Variants in PEAK1 observed in about 807,000 individuals in gnomAD.
The protein encoded by PEAK1 is pseudopodium enriched atypical kinase 1, also known as inactive tyrosine-protein kinase PEAK1.
In PEAK1, 54 loss-of-function variants were observed where a neutral mutation model predicts 124.7. That is an observed-to-expected ratio of 0.43 (90% CI 0.35 to 0.54). The LOEUF (loss-of-function observed/expected upper bound fraction) is 0.54. Ranked by LOEUF, PEAK1 falls within the 20% of genes least tolerant of loss-of-function variation. The probability of loss-of-function intolerance (pLI) is 0.01; values close to 1 mark genes in which losing one functional copy is unlikely to be tolerated. For synonymous variants in PEAK1, 719 were observed against 760.0 expected (o/e 0.95, Z 0.89); for missense variants, 2,046 against 2,134.5 (o/e 0.96, Z 0.82).
At chr15:77,384,615 TGTG>T in intron 1 of PEAK1, among the ~76,000 whole-genome samples, 1 of 152,344 alleles carries the variant, frequency 6.6e-6, no homozygotes, top group South Asian at 2.1e-4. Flanking sequence ...TCCTTACTGT[TGTG>T]GTATTTCAAA....
rs374992071 is a variant in PEAK1 at position 77,115,038 on chromosome 15, C to T, written c.4359G>A (p.Lys1453=). 8 of 1,614,176 alleles carry T rather than the reference C, an allele frequency of 5.0e-6. No individual in the cohort carries two copies. Among genetic ancestry groups the T allele is most frequent in the Non-Finnish European group, 6.8e-6 (8 of 1,180,030 alleles). ...TGACCACAACGTGGCTCCTCTGCTT[C>T]TTGCTCATGACTCCCTGATTCTCTT... is the stretch of plus-strand genomic sequence containing the variant. ...SQKENQGVMS[K]KQRSHVVVIT... The change falls in exon 10 of 10, where the codon AAG becomes AAA. Residue 1453 remains lysine (K), a synonymous_variant. Coordinates refer to ENST00000682557, the MANE Select transcript of PEAK1 (RefSeq NM_001385026.1).
intron 2 of PEAK1, among the ~76,000 whole-genome samples, chr15:77,319,241 C>A: frequency 6.6e-6 from 1 of 150,494 alleles, no homozygotes; most frequent in Non-Finnish European, 1.5e-5. Context: ...ATAATTTGCC[C>A]CAAATGTAGT....
rs1199692158 is a variant in PEAK1, at chr15:77,368,699, CATT to C, written c.-665-3477_-665-3475del. Among the ~76,000 whole-genome samples the C allele has an allele frequency of 8.5e-5, 13 of 152,216 alleles. No individual in the cohort carries two copies. In the South Asian group the frequency reaches 1.7e-3, roughly 19 times the overall value. On this transcript the variant is annotated intron_variant, in intron 1 of 9. Transcript: ENST00000682557. ...TCAAATAGAAACACTGGATACATAT[CATT>C]AACAAATTGTAATCAACAAGTAAAA...
chr15:77,102,079 G>A (rs1263338910), exon 7 of PEAK1: 5 of 152,196 alleles, frequency 3.3e-5, no homozygotes, highest in Non-Finnish European at 7.4e-5. Flanking sequence ...TGGTGACCTA[G>A]TGGGTCAATT....
chr15:77,393,562 A>G (rs996505484), intron 1 of PEAK1, among the ~76,000 whole-genome samples: 2 of 152,192 alleles, frequency 1.3e-5, no homozygotes, highest in African/African-American at 4.8e-5. Context: ...GGAAGGACCC[A>G]GTCCTGGCAG....
At chr15:77,168,496 T>C (rs920254611) in intron 7 of PEAK1, among the ~76,000 whole-genome samples, 1 of 152,190 alleles carries the variant, frequency 6.6e-6, no homozygotes, top group African/African-American at 2.4e-5. Context: ...AAAACAGCCA[T>C]AGACAACATG....
At chr15:77,192,507 T>C (rs2057884480) in intron 6 of PEAK1, among the ~76,000 whole-genome samples, 1 of 152,176 alleles carries the variant, frequency 6.6e-6, no homozygotes, top group Admixed American at 6.5e-5. Context: ...AACTAAACTA[T>C]CCCCCAATAA....
intron 2 of PEAK1, among the ~76,000 whole-genome samples, chr15:77,315,104 G>A (rs995152574): frequency 6.6e-6 from 1 of 152,114 alleles, no homozygotes; most frequent in Non-Finnish European, 1.5e-5. Flanking sequence ...TTACCCATGG[G>A]ACAAAATTTG....
intron 2 of PEAK1, chr15:77,349,721 T>C (rs2067092700): frequency 3.0e-6 from 3 of 985,296 alleles, no homozygotes; most frequent in Non-Finnish European, 3.6e-6. Context: ...AACCCTTCTA[T>C]AAGTAGGTCA....
chr15:77,180,227 T>C lies in PEAK1; in HGVS notation c.1700A>G (p.Lys567Arg). ...AGCTGTGGGTGATGTAGGTGCTGAT[T>C]TGTGACAGTTTTTCCTTGGAGGAAC... ...PNVPPRKNCH[K>R]SAPTSPTATN... is the part of the protein sequence containing the mutation. Residue 567 changes from lysine to arginine, a missense_variant, in exon 7 of 10, where the codon AAA (lysine) becomes AGA (arginine). By Grantham distance (26) the Lys-to-Arg change is conservative. Transcript: ENST00000682557. The C allele has an allele frequency of 6.2e-7, 1 of 1,614,184 alleles. No homozygotes were observed. The highest frequency in any genetic ancestry group is 8.5e-7 in the Non-Finnish European group (1 of 1,180,008).
At chr15:77,138,568 A>G (rs920349599) in intron 8 of PEAK1, among the ~76,000 whole-genome samples, 4 of 152,196 alleles carry the variant, frequency 2.6e-5, no homozygotes, top group Admixed American at 2.6e-4. Context: ...CTATTTCAAA[A>G]TATTTTTTCT....
intron 6 of PEAK1, among the ~76,000 whole-genome samples, chr15:77,205,651 A>T (rs1337744802): frequency 6.6e-6 from 1 of 152,124 alleles, no homozygotes; most frequent in African/African-American, 2.4e-5. Flanking sequence ...GCTGTGAAAG[A>T]TGAAAACTTT....
Position 77,146,138 on chromosome 15 carries a change from G to A in PEAK1, c.3331+12365C>T, listed in dbSNP as rs181921169. ...AGTTTATAAACCACACACCATCACT[G>A]TGCAGCAGCCTTGTCAAATGAATAG... On this transcript the variant is annotated intron_variant, in intron 8 of 9. Coordinates refer to ENST00000682557, the MANE Select transcript of PEAK1 (RefSeq NM_001385026.1). Among the ~76,000 whole-genome samples, 15 of 152,282 alleles carry A rather than the reference G, an allele frequency of 9.9e-5. No homozygotes were observed. The East Asian group carries it at 2.9e-3, about 29-fold the overall frequency.
intron 6 of PEAK1, among the ~76,000 whole-genome samples, chr15:77,217,431 A>T (rs1378242812): frequency 6.6e-6 from 1 of 152,116 alleles, no homozygotes; most frequent in Non-Finnish European, 1.5e-5. Context: ...TCTGATTATT[A>T]TGAGTGTTTT....
chr15:77,302,575 G>A (rs930604059), intron 2 of PEAK1, among the ~76,000 whole-genome samples: 2 of 152,104 alleles, frequency 1.3e-5, no homozygotes, highest in African/African-American at 4.8e-5. Context: ...AGAGTACAGG[G>A]CTTATGCATA....
intron 4 of PEAK1, among the ~76,000 whole-genome samples, chr15:77,284,274 T>C (rs1219964798): frequency 6.6e-6 from 1 of 152,210 alleles, no homozygotes; most frequent in African/African-American, 2.4e-5. Context: ...CAGGATTCAA[T>C]GAAGTGATCT....
intron 5 of PEAK1, among the ~76,000 whole-genome samples, chr15:77,272,697 AC>A (rs1192957823): frequency 1.3e-5 from 2 of 152,174 alleles, no homozygotes; most frequent in East Asian, 3.8e-4. Flanking sequence ...AGAACTGGTT[AC>A]CAGTCCTATT....
At chr15:77,405,142 AC>A (rs1173499920) in intron 1 of PEAK1, among the ~76,000 whole-genome samples, 1 of 151,808 alleles carries the variant, frequency 6.6e-6, no homozygotes, top group Non-Finnish European at 1.5e-5. Context: ...GGTAGCTGGG[AC>A]TACAGGTGCA....
chr15:77,231,418 T>C (rs1295120472), intron 6 of PEAK1, among the ~76,000 whole-genome samples: 1 of 152,202 alleles, frequency 6.6e-6, no homozygotes, highest in Non-Finnish European at 1.5e-5. Context: ...GCAAATTGAA[T>C]TTAATAAGAA....
Sources: gnomAD v4.1 joint callset for allele counts (sites outside exome capture counted in the v4.1 genomes callset) on GRCh38, gnomAD v4.1.1 for gene constraint, MANE v1.5 for transcripts, NCBI Gene and HGNC (gene_info 2026-07-23, HGNC 2026-07-21) for gene names.